Variants in RBFOX1 observed in about 807,000 individuals in gnomAD.
The protein encoded by RBFOX1 is RNA binding protein fox-1 homolog 1.
In RBFOX1, 8 loss-of-function variants were observed where a neutral mutation model predicts 57.7. That is an observed-to-expected ratio of 0.14 (90% confidence interval 0.08 to 0.25). The LOEUF is 0.25. Ranked by LOEUF, RBFOX1 falls within the 10% of genes least tolerant of loss-of-function variation. RBFOX1 has a pLI of 1.00. For synonymous variants in RBFOX1, 326 were observed against 222.4 expected, an observed-to-expected ratio of 1.47 and a Z score of -4.15; for missense variants, 611 against 548.5, an observed-to-expected ratio of 1.11 and a Z score of -1.14.
intron 2 of RBFOX1, among the ~76,000 whole-genome samples, chr16:6,454,961 C>G (rs1469890038): frequency 6.7e-6 from 1 of 149,246 alleles, no homozygotes; most frequent in Non-Finnish European, 1.5e-5. Flanking sequence ...CGGCTCACTG[C>G]AACCTCTGCC....
chr16:5,988,123 C>G (rs754188668), intron 4 of RBFOX1, among the ~76,000 whole-genome samples: 5 of 152,210 alleles, frequency 3.3e-5, no homozygotes, highest in Non-Finnish European at 7.4e-5. Flanking sequence ...AATTCGCATT[C>G]TATCTTGGGA....
In RBFOX1 at chr16:5,260,838, A is replaced by G. The variant is rs543508317; in HGVS notation, c.219+20733A>G. 3 of 152,400 alleles carry G rather than the reference A, an allele frequency of 2.0e-5. No homozygotes were observed. In the South Asian group the frequency reaches 6.2e-4, roughly 32 times the overall value. The allele number at this position is 152,400 out of a possible 1,614,324, so 9.4% of individuals were successfully genotyped here. A position where few individuals can be genotyped will look rare whatever the true frequency, so the allele number is the denominator to read the frequency against. ...AGTTCATTTTTCTTTGCATAATTCA[A>G]AGAACCAGATAACATGCCAAAGCCC... On this transcript the variant is annotated intron_variant, in intron 1 of 2. Coordinates refer to the RBFOX1 transcript ENST00000585867.
intron 3 of RBFOX1, among the ~76,000 whole-genome samples, chr16:5,695,758 G>T (rs1038419031): frequency 6.6e-6 from 1 of 152,122 alleles, no homozygotes; most frequent in Non-Finnish European, 1.5e-5. Flanking sequence ...CTTAATACTT[G>T]TAATACTTAC....
At chr16:6,461,110 G>C (rs1791038745) in intron 2 of RBFOX1, among the ~76,000 whole-genome samples, 1 of 152,138 alleles carries the variant, frequency 6.6e-6, no homozygotes, top group East Asian at 1.9e-4. Context: ...TTGGGAGAGG[G>C]TGGGGGGAAG....
rs923504566 is a variant in RBFOX1, at chr16:5,915,786, C to T, written c.351+48451C>T. On this transcript the variant is annotated intron_variant, in intron 4 of 19. Coordinates refer to the RBFOX1 transcript ENST00000641259. ...GGTGGAGGTTGCAGTGAGCCAAGAT[C>T]ATGCCACGGCACTCCAGCCTGGGTG... Among the ~76,000 whole-genome samples the T allele has an allele frequency of 2.6e-5, 4 of 152,006 alleles. No individual in the cohort carries two copies. In the South Asian group the frequency reaches 8.3e-4, roughly 32 times the overall value.
chr16:7,248,014 C>A (rs1193295665), intron 4 of RBFOX1, among the ~76,000 whole-genome samples: 1 of 152,050 alleles, frequency 6.6e-6, no homozygotes, highest in Non-Finnish European at 1.5e-5. Flanking sequence ...AAATAACAAA[C>A]CTGCACATGT....
intron 4 of RBFOX1, among the ~76,000 whole-genome samples, chr16:5,998,810 T>A (rs1192357664): frequency 6.6e-6 from 1 of 152,220 alleles, no homozygotes; most frequent in Non-Finnish European, 1.5e-5. Context: ...CCACATCAGA[T>A]GTTACTACGT....
chr16:6,524,976 C>G lies in RBFOX1; in HGVS notation c.-63-129627C>G, dbSNP rs139435040. On this transcript the variant is annotated intron_variant, in intron 2 of 15. Coordinates refer to ENST00000550418, the MANE Select transcript of RBFOX1 (RefSeq NM_018723.4). ...ACCCTATTTCCAAATAAGGTCACTT[C>G]TGAGTATCTGGGTAAACATAAATTT... Among the ~76,000 whole-genome samples the G allele has an allele frequency of 5.1e-4, 78 of 152,264 alleles. 1 individual carries two copies. The highest frequency in any genetic ancestry group is 6.8e-3 in the Middle Eastern group (2 of 294).
chr16:6,708,340 C>A lies in RBFOX1; in HGVS notation c.-16+53690C>A, dbSNP rs1295008735. 9.2e-5 allele frequency among the ~76,000 whole-genome samples: 14 copies of A among 152,220 alleles called. No homozygotes were observed. In the East Asian group the frequency reaches 2.7e-3, roughly 29 times the overall value. On this transcript the variant is annotated intron_variant, in intron 3 of 15. Transcript: ENST00000550418. Reference sequence around the variant, plus strand: ...TTCACAAAAATCACTGTCTTCCCAACTACCTTGAGACCATCTTCTGTTTTC... The same window carrying A: ...TTCACAAAAATCACTGTCTTCCCAAATACCTTGAGACCATCTTCTGTTTTC...
At chr16:6,550,698 C>G (rs1205353905) in intron 2 of RBFOX1, among the ~76,000 whole-genome samples, 1 of 152,228 alleles carries the variant, frequency 6.6e-6, no homozygotes, top group Non-Finnish European at 1.5e-5. Context: ...ATTTCTTCTT[C>G]TGCATCCCCA....
chr16:5,665,026 C>G (rs1381923647), intron 3 of RBFOX1, among the ~76,000 whole-genome samples: 3 of 151,762 alleles, frequency 2.0e-5, no homozygotes, highest in African/African-American at 7.3e-5. Context: ...CTCACTGCAG[C>G]CCTCTACCTC....
intron 5 of RBFOX1, among the ~76,000 whole-genome samples, chr16:7,526,815 C>T (rs1011686883): frequency 1.3e-5 from 2 of 152,180 alleles, no homozygotes; most frequent in African/African-American, 4.8e-5. Flanking sequence ...GAAGCAGAAT[C>T]TAAGGCAAAT....
chr16:6,007,793 C>T (rs569983547), intron 4 of RBFOX1, among the ~76,000 whole-genome samples: 1 of 152,190 alleles, frequency 6.6e-6, no homozygotes, highest in African/African-American at 2.4e-5. Context: ...GGTATGGGAA[C>T]TTAGCCAAGA....
chr16:5,978,378 T>C (rs80309645), intron 4 of RBFOX1, among the ~76,000 whole-genome samples: 1 of 151,944 alleles, frequency 6.6e-6, no homozygotes, highest in African/African-American at 2.4e-5. Flanking sequence ...TAATTTTGGA[T>C]TTGCAGAAAT....
intron 4 of RBFOX1, among the ~76,000 whole-genome samples, chr16:7,460,227 G>T (rs1055952229): frequency 3.3e-5 from 5 of 151,514 alleles, no homozygotes; most frequent in African/African-American, 1.2e-4. Flanking sequence ...TGTGGAAACT[G>T]CAACACCCAG....
intron 5 of RBFOX1, among the ~76,000 whole-genome samples, chr16:7,563,543 C>T (rs1317395150): frequency 6.6e-6 from 1 of 152,198 alleles, no homozygotes; most frequent in Non-Finnish European, 1.5e-5. Context: ...TCTCTGCTCA[C>T]TGCAACCTCT....
chr16:7,677,554 C>T (rs931776584), intron 14 of RBFOX1, among the ~76,000 whole-genome samples: 7 of 152,132 alleles, frequency 4.6e-5, no homozygotes, highest in African/African-American at 1.7e-4. Flanking sequence ...ATCACCCAGG[C>T]TGAACAGATG....
chr16:5,490,167 G>A (rs1212216932), intron 2 of RBFOX1, among the ~76,000 whole-genome samples: 1 of 152,248 alleles, frequency 6.6e-6, no homozygotes, highest in Non-Finnish European at 1.5e-5. Context: ...TGGCCACGCA[G>A]TGATGGTGGA....
intron 1 of RBFOX1, among the ~76,000 whole-genome samples, chr16:6,083,863 A>G (rs895785988): frequency 6.6e-6 from 1 of 152,124 alleles, no homozygotes; most frequent in Non-Finnish European, 1.5e-5. Flanking sequence ...GACACTGGCA[A>G]TCTTTAAGCA....
Sources: allele counts gnomAD v4.1 joint callset (sites outside exome capture counted in the v4.1 genomes callset), GRCh38; gene constraint gnomAD v4.1.1; transcripts MANE v1.5; gene names NCBI Gene and HGNC (gene_info 2026-07-23, HGNC 2026-07-21).